MGAT4C: variants seen among roughly 807,000 people sequenced by gnomAD.
MGAT4C encodes the protein MGAT4 family member C.
In MGAT4C, 19 loss-of-function variants were observed where a neutral mutation model predicts 40.1. The ratio of observed to expected loss-of-function variants is 0.47; its 90% CI spans 0.33 to 0.70. The LOEUF is 0.70. MGAT4C is among the 30% of genes least tolerant of loss of function. The pLI is 0.02. For synonymous variants in MGAT4C, 181 were observed against 187.1 expected (o/e 0.97, Z 0.27); for missense variants, 491 against 563.2 (o/e 0.87, Z 1.30).
At chr12:86,678,718 T>G (rs958526316) in intron 2 of MGAT4C, among the ~76,000 whole-genome samples, 1 of 152,024 alleles carries the variant, frequency 6.6e-6, no homozygotes, top group African/African-American at 2.4e-5. Flanking sequence ...CTGAGAATGA[T>G]GATTTCCAAT....
At chr12:86,802,989 G>C (rs1952262926) in intron 1 of MGAT4C, among the ~76,000 whole-genome samples, 1 of 124,558 alleles carries the variant, frequency 8.0e-6, no homozygotes, top group Admixed American at 8.4e-5. Context: ...AAAGCTGGAG[G>C]CATCACACTA....
intron 3 of MGAT4C, among the ~76,000 whole-genome samples, chr12:86,424,399 T>C (rs1956886776): frequency 6.6e-6 from 1 of 152,220 alleles, no homozygotes; most frequent in South Asian, 2.1e-4. Context: ...GTTCTTTTTT[T>C]AGCCTGAAAT....
chr12:86,386,411 C>G (rs1956052813), intron 3 of MGAT4C, among the ~76,000 whole-genome samples: 1 of 152,156 alleles, frequency 6.6e-6, no homozygotes, highest in African/African-American at 2.4e-5. Context: ...TCTATGTTCC[C>G]AATCACTGGT....
chr12:86,653,088 G>A (rs541317483), intron 2 of MGAT4C, among the ~76,000 whole-genome samples: 1 of 151,790 alleles, frequency 6.6e-6, no homozygotes, highest in African/African-American at 2.4e-5. Context: ...TATTTTGCTT[G>A]TGGAGTATGC....
intron 1 of MGAT4C, among the ~76,000 whole-genome samples, chr12:86,250,794 T>TA (rs1952241856): frequency 6.6e-6 from 1 of 152,100 alleles, no homozygotes; most frequent in South Asian, 2.1e-4. Flanking sequence ...TCAGAAGTTT[T>TA]ATATGCAGTA....
intron 1 of MGAT4C, among the ~76,000 whole-genome samples, chr12:86,087,010 T>C (rs1871973766): frequency 6.6e-6 from 1 of 152,160 alleles, no homozygotes; most frequent in South Asian, 2.1e-4. Context: ...CTTTATTGTT[T>C]CTTATGGCTG....
intron 1 of MGAT4C, among the ~76,000 whole-genome samples, chr12:86,814,235 C>A (rs1440389536): frequency 1.4e-5 from 2 of 147,704 alleles, no homozygotes; most frequent in African/African-American, 5.0e-5. Flanking sequence ...AATTATTTGG[C>A]ATATACGTGT....
chr12:86,094,424 C>T (rs556616160), intron 1 of MGAT4C, among the ~76,000 whole-genome samples: 10 of 152,090 alleles, frequency 6.6e-5, no homozygotes, highest in South Asian at 4.2e-4. Context: ...GTTGTATCTT[C>T]GTAAATGCCA....
chr12:86,472,144 G>A (rs996178601), intron 2 of MGAT4C, among the ~76,000 whole-genome samples: 1 of 152,096 alleles, frequency 6.6e-6, no homozygotes, highest in Non-Finnish European at 1.5e-5. Context: ...TTGTAGGATG[G>A]AGTGGAATAA....
At chr12:86,042,544 T>A (rs575232576) in intron 2 of MGAT4C, among the ~76,000 whole-genome samples, 1 of 152,260 alleles carries the variant, frequency 6.6e-6, no homozygotes, top group South Asian at 2.1e-4. Context: ...CTGAAAAGAA[T>A]CTTACATGTC....
intron 1 of MGAT4C, among the ~76,000 whole-genome samples, chr12:86,178,403 G>A (rs1001688070): frequency 6.6e-6 from 1 of 152,096 alleles, no homozygotes; most frequent in Admixed American, 6.6e-5. Flanking sequence ...CTTGACCGAG[G>A]GCATGGATGT....
intron 3 of MGAT4C, among the ~76,000 whole-genome samples, chr12:86,364,368 G>C (rs1016594234): frequency 1.2e-4 from 18 of 152,056 alleles, no homozygotes; most frequent in African/African-American, 4.1e-4. Flanking sequence ...TAATTTATTT[G>C]TCAATACCAA....
chr12:86,476,905 A>G (rs1189089602), intron 2 of MGAT4C, among the ~76,000 whole-genome samples: 1 of 152,054 alleles, frequency 6.6e-6, no homozygotes, highest in Non-Finnish European at 1.5e-5. Flanking sequence ...AGATGTTAGC[A>G]GTATAGACTG....
chr12:86,531,304 G>A (rs1351818057), intron 2 of MGAT4C, among the ~76,000 whole-genome samples: 1 of 152,036 alleles, frequency 6.6e-6, no homozygotes, highest in Non-Finnish European at 1.5e-5. Flanking sequence ...TGCACTCAAA[G>A]AGCTTACCCC....
chr12:86,273,744 C>T (rs888630736), intron 4 of MGAT4C, among the ~76,000 whole-genome samples: 3 of 152,104 alleles, frequency 2.0e-5, no homozygotes, highest in East Asian at 1.9e-4. Flanking sequence ...AGTGTATACA[C>T]TGCATACGAT....
intron 2 of MGAT4C, among the ~76,000 whole-genome samples, chr12:86,700,513 A>G (rs1950342950): frequency 6.6e-6 from 1 of 152,142 alleles, no homozygotes; most frequent in Non-Finnish European, 1.5e-5. Context: ...TAACTCTCAA[A>G]GGAAATAGTG....
At chr12:86,647,602 C>T (rs1963577582) in intron 2 of MGAT4C, among the ~76,000 whole-genome samples, 1 of 151,752 alleles carries the variant, frequency 6.6e-6, no homozygotes, top group South Asian at 2.1e-4. Context: ...GTTTTATTGA[C>T]CTCAAATACA....
At chr12:86,274,515 A>G (rs1376998617) in intron 4 of MGAT4C, among the ~76,000 whole-genome samples, 1 of 152,202 alleles carries the variant, frequency 6.6e-6, no homozygotes, top group Non-Finnish European at 1.5e-5. Context: ...ATCTTCATCA[A>G]TTTATAGAAC....
intron 1 of MGAT4C, among the ~76,000 whole-genome samples, chr12:86,120,776 A>G (rs1398539222): frequency 6.6e-6 from 1 of 152,212 alleles, no homozygotes; most frequent in African/African-American, 2.4e-5. Flanking sequence ...AGATAAAACC[A>G]CAAAGATGGG....
Sources: gnomAD v4.1 joint callset for allele counts (sites outside exome capture counted in the v4.1 genomes callset) on GRCh38, gnomAD v4.1.1 for gene constraint, MANE v1.5 for transcripts, NCBI Gene and HGNC (gene_info 2026-07-23, HGNC 2026-07-21) for gene names.